The following THTPA variants were observed in gnomAD, a reference collection of about 807,000 sequenced individuals.
The protein encoded by THTPA is thiamine-triphosphatase.
A neutral mutation model predicts 16.5 loss-of-function variants in THTPA; 16 were observed. The observed-to-expected ratio is 0.97, with a 90% CI of 0.66 to 1.47. The LOEUF is 1.47. Among genes scored for constraint, THTPA ranks in the 40% most tolerant of loss-of-function variants. The pLI is 0.00. For synonymous variants in THTPA, 110 were observed against 115.5 expected (o/e 0.95, Z 0.30); for missense variants, 281 against 280.9 (o/e 1.00, Z 0.00).
At chr14:23,518,532 T>C in the THTPA span, among the ~76,000 whole-genome samples, 1 of 152,188 alleles carries the variant, frequency 6.6e-6, no homozygotes, top group Non-Finnish European at 1.5e-5. This position sits in a 1 kb window ranked among gnomAD's most constrained non-coding sequence, Gnocchi z 4.5. Flanking sequence ...TTGTTCCTAG[T>C]TGAGGATTGG....
upstream of THTPA, chr14:23,556,173 G>A (rs546561782): frequency 6.7e-4 from 104 of 154,264 alleles, no homozygotes; most frequent in Non-Finnish European, 1.2e-3. Flanking sequence ...GCCTGCTCTC[G>A]GCACCGCCAC....
chr14:23,535,236 G>A, the THTPA span: 1 of 1,519,774 alleles, frequency 6.6e-7, no homozygotes, highest in Admixed American at 2.0e-5. The surrounding 1 kb of genome is among the most constrained non-coding windows in gnomAD (Gnocchi z 4.5). Flanking sequence ...AGGGGGTGCT[G>A]GAGGAGAAGG....
At chr14:23,514,356 T>C in the THTPA span, 4 of 152,728 alleles carry the variant, frequency 2.6e-5, no homozygotes, top group Non-Finnish European at 4.4e-5. Flanking sequence ...TGGAAAGCGC[T>C]GGCAGTCCTG....
the THTPA span, chr14:23,524,210 C>G: frequency 6.5e-7 from 1 of 1,536,484 alleles, no homozygotes; most frequent in Non-Finnish European, 8.7e-7. The surrounding 1 kb of genome is among the most constrained non-coding windows in gnomAD (Gnocchi z 5.6). Context: ...TTTCCTCTCC[C>G]GGGCCCTGGT....
chr14:23,537,546 A>G, the THTPA span, among the ~76,000 whole-genome samples: 1 of 152,164 alleles, frequency 6.6e-6, no homozygotes, highest in Non-Finnish European at 1.5e-5. Context: ...GGTTCTAGCC[A>G]GGCATGAAGT....
At chr14:23,530,385 T>C in the THTPA span, 1 of 698,822 alleles carries the variant, frequency 1.4e-6, no homozygotes. Context: ...AATTACAGTA[T>C]TAGAACTGGT....
the THTPA span, among the ~76,000 whole-genome samples, chr14:23,519,738 G>C: frequency 2.0e-3 from 298 of 152,288 alleles, 3 homozygotes; most frequent in Non-Finnish European, 3.7e-3. Context: ...TGAATTTTCT[G>C]TCCCCTCCCA....
the THTPA span, chr14:23,531,173 C>A: frequency 7.8e-6 from 2 of 256,210 alleles, no homozygotes; most frequent in Middle Eastern, 1.1e-3. Context: ...CAGCCTGCCA[C>A]CCTCCAGCAT....
chr14:23,523,921 T>C, the THTPA span: 4 of 1,536,190 alleles, frequency 2.6e-6, no homozygotes, highest in Non-Finnish European at 2.6e-6. This position sits in a 1 kb window ranked among gnomAD's most constrained non-coding sequence, Gnocchi z 4.1. Flanking sequence ...CTGGGCCCTC[T>C]TCCTCACTGG....
chr14:23,530,641 T>C, the THTPA span: 2 of 346,028 alleles, frequency 5.8e-6, no homozygotes, highest in Non-Finnish European at 5.6e-6. Context: ...CAAGTAAGAA[T>C]TGACAGATGT....
At chr14:23,529,623 C>T in the THTPA span, 3 of 1,317,054 alleles carry the variant, frequency 2.3e-6, no homozygotes, top group Middle Eastern at 1.8e-4. Context: ...CAAAGCATGA[C>T]AAAATTACGT....
the THTPA span, among the ~76,000 whole-genome samples, chr14:23,519,815 A>G: frequency 6.6e-6 from 1 of 152,214 alleles, no homozygotes; most frequent in Non-Finnish European, 1.5e-5. Context: ...CTGATAGAGC[A>G]GAAAACCTAA....
Position 23,560,112 on chromosome 14 carries a change from C to T in THTPA, c.*1272C>T. 1 of 1,417,804 alleles carries T rather than the reference C, an allele frequency of 7.1e-7. No homozygotes were observed. Among genetic ancestry groups the T allele is most frequent in the African/African-American group, 1.4e-5 (1 of 70,912 alleles). 87.8% of individuals were successfully genotyped at this position (1,417,804 alleles called of 1,614,324 possible). ...GCAGCCCCTCTATACTCAGTGGCTC[C>T]ACACCCTTTTCCTGTAACTCCCCAA... On this transcript the variant is annotated 3_prime_UTR_variant, in exon 2 of 2. Coordinates refer to ENST00000288014, the MANE Select transcript of THTPA (RefSeq NM_024328.6).
At chr14:23,547,408 G>C in the THTPA span, among the ~76,000 whole-genome samples, 1 of 152,200 alleles carries the variant, frequency 6.6e-6, no homozygotes, top group African/African-American at 2.4e-5. Context: ...GAATGGGGTG[G>C]GGATGCTACT....
At chr14:23,519,805 C>A in the THTPA span, among the ~76,000 whole-genome samples, 1 of 152,084 alleles carries the variant, frequency 6.6e-6, no homozygotes, top group Non-Finnish European at 1.5e-5. Flanking sequence ...AGTGATGTGA[C>A]TGATAGAGCA....
chr14:23,520,890 G>A, the THTPA span: 2 of 144,684 alleles, frequency 1.4e-5, no homozygotes, highest in Non-Finnish European at 3.0e-5. This position sits in a 1 kb window ranked among gnomAD's most constrained non-coding sequence, Gnocchi z 8.7. Context: ...TTTTTTTTCT[G>A]TATTTTCCAA....
At chr14:23,519,707 T>TATGG in the THTPA span, among the ~76,000 whole-genome samples, 7 of 152,144 alleles carry the variant, frequency 4.6e-5, no homozygotes, top group Admixed American at 4.6e-4. Context: ...TCATGGAATA[T>TATGG]ATGGGGGCTA....
chr14:23,556,814 G>A lies in THTPA; in HGVS notation c.57G>A (p.Glu19=), dbSNP rs1324322390. Residue 19 remains glutamate, a synonymous_variant, in exon 1 of 2, where the codon GAG becomes GAA. Coordinates refer to ENST00000288014, the MANE Select transcript of THTPA (RefSeq NM_024328.6). ...AGTTCCTTCCAGGGCCTGGCACAGA[G>A]GAGCGGCTGCAGGAGTTGGGGGGCA... ...ERKFLPGPGT[E]ERLQELGGTL... The A allele has an allele frequency of 6.2e-7, 1 of 1,613,520 alleles. No homozygotes were observed. The highest frequency in any genetic ancestry group is 8.5e-7 in the Non-Finnish European group (1 of 1,179,816).
At chr14:23,548,608 T>C in the THTPA span, among the ~76,000 whole-genome samples, 55 of 152,298 alleles carry the variant, frequency 3.6e-4, no homozygotes, top group South Asian at 0.011. Context: ...CTGAAGTTTA[T>C]GGGAATTCTA....
Sources: gnomAD v4.1 joint callset for allele counts (sites outside exome capture counted in the v4.1 genomes callset) on GRCh38, gnomAD v4.1.1 for gene constraint, Gnocchi (gnomAD v3.1) non-coding constraint, MANE v1.5 for transcripts, NCBI Gene and HGNC (gene_info 2026-07-23, HGNC 2026-07-21) for gene names.